The following HTT variants were observed in gnomAD, a reference collection of about 807,000 sequenced individuals.
HTT encodes the protein huntington disease protein.
A neutral mutation model predicts 362.3 loss-of-function variants in HTT; 104 were observed. The observed-to-expected ratio is 0.29, with a 90% CI of 0.24 to 0.34. The LOEUF (loss-of-function observed/expected upper bound fraction) is 0.34, where lower values mean the gene tolerates loss of function less well. HTT is among the 10% of genes least tolerant of loss of function. The pLI, the probability that HTT is intolerant of heterozygous loss-of-function variation, is 1.00. For synonymous variants in HTT, 1,577 were observed against 1,548.7 expected (o/e 1.02, Z -0.43); for missense variants, 3,301 against 3,928.6 (o/e 0.84, Z 4.27).
rs1482308918 is a variant in HTT at position 3,217,787 on chromosome 4, C to A, written c.7077C>A (p.Ala2359=). Residue 2359 remains alanine, a synonymous_variant, in exon 52 of 67, where the codon GCC becomes GCA. Transcript: ENST00000355072. ...NTQNPKYITA[A]CEMVAEMVES... ...TAGATCCTAAGTATATCACTGCAGC[C>A]TGTGAGATGGTGGCAGAAATGGTGG... 8 of 1,613,752 alleles carry A rather than the reference C, an allele frequency of 5.0e-6. No individual in the cohort carries two copies. In the East Asian group the frequency reaches 1.8e-4, roughly 36 times the overall value.
chr4:3,215,352 G>A, intron 51 of HTT, 141 bp downstream of exon 51: 2 of 630,498 alleles, frequency 3.2e-6, no homozygotes. Context: ...CTCCCTAGCT[G>A]TCAGGGAGGC....
At chr4:3,233,100 G>A in intron 60 of HTT, 63 bp from the exon 61 acceptor site, 1 of 1,420,152 alleles carries the variant, frequency 7.0e-7, no homozygotes, top group Non-Finnish European at 9.7e-7. Flanking sequence ...CTCGGCTGTG[G>A]GGAGGAGCCA....
Position 3,083,578 on chromosome 4 carries a change from CACACACACAT to C in HTT, c.264-3359_264-3350del, listed in dbSNP as rs1331390857. ...ACACACACACACACACACACACACA[CACACACACAT>C]ATATATGTATATATATGCATTTAGA... On this transcript the variant is annotated intron_variant, in intron 1 of 66. Transcript: ENST00000355072. Among the ~76,000 whole-genome samples the C allele has an allele frequency of 2.2e-3, 290 of 131,994 alleles. 3 individuals are homozygous for C. Among genetic ancestry groups the C allele is most frequent in the South Asian group, 6.6e-3 (27 of 4,100 alleles). The allele number at this position is 131,994 out of a possible 152,430, so 86.6% of individuals were successfully genotyped here. A position where few individuals can be genotyped will look rare whatever the true frequency, so the allele number is the denominator to read the frequency against.
intron 26 of HTT, among the ~76,000 whole-genome samples, chr4:3,148,869 G>A (rs1373924836): frequency 2.0e-5 from 3 of 152,042 alleles, no homozygotes; most frequent in Non-Finnish European, 2.9e-5. Flanking sequence ...AGGCAAGAGA[G>A]TTGCTTGAAC....
rs377136871 is a variant in HTT at position 3,154,350 on chromosome 4, A to G, written c.3556A>G (p.Lys1186Glu). Reference protein sequence around the residue: ...PSLSPIRRKGKEKEPGEQASV... With the variant: ...PSLSPIRRKGEEKEPGEQASV... Reference sequence around the variant, plus strand: ...TCTAAGTCCCATCCGACGAAAGGGGAAGGAGAAAGAACCAGGAGAACAAGC... The same window carrying G: ...TCTAAGTCCCATCCGACGAAAGGGGGAGGAGAAAGAACCAGGAGAACAAGC... The change falls in exon 27 of 67, where the codon AAG (lysine) becomes GAG (glutamate). Residue 1186 changes from lysine to glutamate, a missense_variant. Lys to Glu is a moderately conservative substitution (Grantham distance 56). This residue lies in a region of HTT where 2,316 missense variants were observed against 2,658.5 expected (regional missense o/e 0.87). Coordinates refer to ENST00000355072, the MANE Select transcript of HTT (RefSeq NM_001388492.1). 1 of 1,613,160 alleles carries G rather than the reference A, an allele frequency of 6.2e-7. No homozygotes were observed. Among genetic ancestry groups the G allele is most frequent in the Non-Finnish European group, 8.5e-7 (1 of 1,179,656 alleles).
intron 26 of HTT, among the ~76,000 whole-genome samples, chr4:3,153,242 C>G (rs553239596): frequency 1.3e-5 from 2 of 152,202 alleles, no homozygotes; most frequent in Middle Eastern, 3.4e-3. Flanking sequence ...GGGGTCTGCC[C>G]TCATGACCCA....
intron 6 of HTT, among the ~76,000 whole-genome samples, chr4:3,112,640 A>G (rs1714816257): frequency 6.6e-6 from 1 of 152,188 alleles, no homozygotes. Flanking sequence ...GGGATATACC[A>G]CAGTTTATTC....
chr4:3,207,184 A>C lies in HTT; in HGVS notation c.6076-97A>C, dbSNP rs561496099. ...TTTTTTCTAGTCTGCCCTTACTAGG[A>C]TGAACTGTACACATCAGTTCATCCT... On this transcript the variant is annotated intron_variant, in intron 44 of 66. Transcript: ENST00000355072. 960 of 1,190,410 alleles carry C rather than the reference A, an allele frequency of 8.1e-4. 1 individual carries two copies. The highest frequency in any genetic ancestry group is 1.0e-3 in the Non-Finnish European group (846 of 812,446). 73.7% of individuals were successfully genotyped at this position (1,190,410 alleles called of 1,614,324 possible).
rs1316267315 is a variant in HTT at position 3,238,950 on chromosome 4, G to A, written c.9187G>A (p.Ala3063Thr). Residue 3063 changes from alanine (A) to threonine (T), a missense_variant, in exon 66 of 67, where the codon GCG becomes ACG. Ala to Thr is a moderately conservative substitution (Grantham distance 58). This residue lies in a region of HTT where 753 missense variants were observed against 1,021.3 expected (regional missense o/e 0.74). Coordinates refer to ENST00000355072, the MANE Select transcript of HTT (RefSeq NM_001388492.1). ...TWSLSCFFVS[A>T]STSPWVAAIL... is the part of the protein sequence containing the mutation. ...GAGCCTCTCCTGCTTCTTTGTCAGC[G>A]CGTCCACCAGCCCGTGGGTCGCGGC... is the stretch of plus-strand genomic sequence containing the variant. 1.9e-6 allele frequency: 3 copies of A among 1,608,846 alleles called. No individual in the cohort carries two copies. The highest frequency in any genetic ancestry group is 1.7e-6 in the Non-Finnish European group (2 of 1,179,012).
intron 6 of HTT, among the ~76,000 whole-genome samples, chr4:3,108,189 A>T (rs1714536305): frequency 6.6e-6 from 1 of 152,212 alleles, no homozygotes. Flanking sequence ...TAGCATAGTC[A>T]CCCACGGGAA....
At chr4:3,113,912 G>A (rs1025312807) in intron 6 of HTT, among the ~76,000 whole-genome samples, 13 of 152,054 alleles carry the variant, frequency 8.5e-5, no homozygotes, top group East Asian at 1.9e-4. Context: ...CAGCTCAGTC[G>A]GGGAGACCCT....
chr4:3,150,433 T>A (rs1244330644), intron 26 of HTT, among the ~76,000 whole-genome samples: 1 of 152,212 alleles, frequency 6.6e-6, no homozygotes, highest in Non-Finnish European at 1.5e-5. Context: ...AGGACCTGTC[T>A]CTGGAGCTGC....
chr4:3,081,550 C>CTTTTTTTTTTT (rs770325842), intron 1 of HTT, among the ~76,000 whole-genome samples: 8 of 84,526 alleles, frequency 9.5e-5, no homozygotes, highest in African/African-American at 1.3e-4. Context: ...GAAAGCATTT[C>CTTTTTTTTTTT]TTTTTTTTTT....
intron 40 of HTT, among the ~76,000 whole-genome samples, chr4:3,198,515 A>G (rs985511607): frequency 4.6e-5 from 7 of 152,124 alleles, no homozygotes; most frequent in African/African-American, 1.2e-4. Flanking sequence ...GTGAGCCACC[A>G]CACCCGGCCT....
chr4:3,131,861 C>A, intron 16 of HTT, 86 bp downstream of exon 16: 1 of 1,331,654 alleles, frequency 7.5e-7, no homozygotes, highest in Non-Finnish European at 1.0e-6. Context: ...AGTTTTAGAG[C>A]AGTAAGTGTT....
chr4:3,118,651 C>T (rs1715145799), intron 8 of HTT, among the ~76,000 whole-genome samples: 1 of 152,144 alleles, frequency 6.6e-6, no homozygotes, highest in Admixed American at 6.5e-5. Flanking sequence ...AGGTTTCTAA[C>T]ATTTGTGAAC....
intron 2 of HTT, among the ~76,000 whole-genome samples, chr4:3,088,465 C>T (rs185758073): frequency 1.5e-3 from 223 of 152,280 alleles, no homozygotes; most frequent in Middle Eastern, 6.8e-3. Context: ...TGAGCCACCG[C>T]GCCCGGCCCT....
chr4:3,171,685 C>T (rs2110230753), intron 29 of HTT, among the ~76,000 whole-genome samples: 1 of 152,252 alleles, frequency 6.6e-6, no homozygotes, highest in South Asian at 2.1e-4. Context: ...CTATATTGGT[C>T]AGGCTGGTCT....
At position 3,220,248 on chromosome 4, in the gene HTT, G is replaced by A. The variant is rs1373467914; in HGVS notation, c.7309G>A (p.Val2437Met). 5 of 1,614,080 alleles carry A rather than the reference G, an allele frequency of 3.1e-6. No individual in the cohort carries two copies. The highest frequency in any genetic ancestry group is 1.1e-5 in the South Asian group (1 of 91,078). Reference protein sequence around the residue: ...DFGTAFPEIPVEFLQEKEVFK... With the variant: ...DFGTAFPEIPMEFLQEKEVFK... ...TGGCACAGCATTCCCTGAGATCCCC[G>A]TGGAGTTCCTCCAGGAAAAGGAAGT... The change falls in exon 53 of 67, where the codon GTG (valine) becomes ATG (methionine). Residue 2437 changes from valine to methionine, a missense_variant. Physicochemically the swap from Val to Met is conservative, Grantham distance 21. Coordinates refer to ENST00000355072, the MANE Select transcript of HTT (RefSeq NM_001388492.1).
Sources: gnomAD v4.1 joint callset for allele counts (sites outside exome capture counted in the v4.1 genomes callset) on GRCh38, gnomAD v4.1.1 for gene constraint, gnomAD v4.1.1 regional missense constraint, MANE v1.5 for transcripts, NCBI Gene and HGNC (gene_info 2026-07-23, HGNC 2026-07-21) for gene names.